The following ERC1 variants were observed in gnomAD, a reference collection of about 807,000 sequenced individuals.
The protein encoded by ERC1 is RAB6 interacting protein 2.
Under a neutral mutation model 132.0 loss-of-function variants are expected in ERC1, and 56 were observed. The ratio of observed to expected loss-of-function variants is 0.42; its 90% CI spans 0.34 to 0.53. The LOEUF (loss-of-function observed/expected upper bound fraction) is 0.53, where lower values mean the gene tolerates loss of function less well. Among genes scored for constraint, ERC1 ranks in the 20% least tolerant of loss-of-function variants. ERC1 has a pLI of 0.03. For synonymous variants in ERC1, 478 were observed against 476.1 expected, an observed-to-expected ratio of 1.00 and a Z score of -0.05; for missense variants, 1,202 against 1,349.9, an observed-to-expected ratio of 0.89 and a Z score of 1.72.
intron 2 of ERC1, among the ~76,000 whole-genome samples, chr12:1,048,278 A>G (rs1233447118): frequency 6.6e-6 from 1 of 152,222 alleles, no homozygotes; most frequent in Non-Finnish European, 1.5e-5. Flanking sequence ...CTTGACACTC[A>G]TAATTTTGAA....
At chr12:1,209,857 TTGA>T (rs1957701561) in intron 12 of ERC1, among the ~76,000 whole-genome samples, 1 of 152,240 alleles carries the variant, frequency 6.6e-6, no homozygotes, top group South Asian at 2.1e-4. Context: ...AATATCTCTG[TTGA>T]TTTATTTATA....
rs544281829 is a variant in ERC1 at position 1,184,005 on chromosome 12, G to A, written c.2157+584G>A. Among the ~76,000 whole-genome samples, 19 of 152,000 alleles carry A rather than the reference G, an allele frequency of 1.3e-4. No individual in the cohort carries two copies. In the South Asian group the frequency reaches 3.7e-3, roughly 30 times the overall value. On this transcript the variant is annotated intron_variant, in intron 11 of 18. Transcript: ENST00000360905. ...AAAAAAATTAGCCAGGCTTGGTGGC[G>A]CAGGCCTGTAATCCTAGCTACTCAG...
chr12:1,395,408 T>TC (rs1219943229), intron 16 of ERC1, among the ~76,000 whole-genome samples: 3 of 38,808 alleles, frequency 7.7e-5, no homozygotes, highest in African/African-American at 3.9e-4. Context: ...AATTTTGTAG[T>TC]TTTTTTTTTT....
intron 15 of ERC1, among the ~76,000 whole-genome samples, chr12:1,366,735 C>T (rs1292929831): frequency 2.6e-5 from 4 of 152,104 alleles, no homozygotes; most frequent in Non-Finnish European, 5.9e-5. Flanking sequence ...GTGGGAGTGA[C>T]GTGCACAGAC....
intron 14 of ERC1, among the ~76,000 whole-genome samples, chr12:1,268,741 G>C (rs1035050019): frequency 2.6e-5 from 4 of 152,150 alleles, no homozygotes; most frequent in Non-Finnish European, 5.9e-5. Context: ...ACTCCAGCCT[G>C]GGCGACAGAG....
Position 1,400,916 on chromosome 12 carries a change from A to ATTATTATTAT in ERC1, c.2926-7231_2926-7230insATTATTATTT, listed in dbSNP as rs2090981093. Among the ~76,000 whole-genome samples the ATTATTATTAT allele has an allele frequency of 1.2e-3, 18 of 15,054 alleles. 2 individuals carry two copies. Among genetic ancestry groups the ATTATTATTAT allele is most frequent in the African/African-American group, 5.6e-3 (18 of 3,240 alleles). The allele number at this position is 15,054 out of a possible 152,430, so 9.9% of individuals were successfully genotyped here. A position where few individuals can be genotyped will look rare whatever the true frequency, so the allele number is the denominator to read the frequency against. On this transcript the variant is annotated intron_variant, in intron 16 of 18. Transcript: ENST00000360905. ...TCAATATTGTTTTGGCTATTTTTGTATTTTTTTTTTTTTTTTTTTTTTTTT... is the reference window on the plus strand; with the variant it reads ...TCAATATTGTTTTGGCTATTTTTGTATTATTATTATTTTTTTTTTTTTTTTTTTTTTTTTT...
At chr12:1,229,826 C>A (rs908707789) in intron 12 of ERC1, among the ~76,000 whole-genome samples, 2 of 151,884 alleles carry the variant, frequency 1.3e-5, no homozygotes, top group African/African-American at 4.8e-5. Flanking sequence ...CTTTAGCTAA[C>A]TTTGGGCTTA....
Position 1,110,162 on chromosome 12 carries a change from T to A in ERC1, c.1162-30T>A, listed in dbSNP as rs558885158. 9.6e-6 allele frequency: 15 copies of A among 1,558,310 alleles called. No individual in the cohort carries two copies. The Admixed American group carries it at 3.0e-4, about 31-fold the overall frequency. On this transcript the variant is annotated intron_variant, in intron 4 of 18. Transcript: ENST00000360905. ...AGCTTTTCTGGGTTTTTGTGAATACTTCAATCACTAAATCTTCCATTGTCT... is the reference window on the plus strand; with the variant it reads ...AGCTTTTCTGGGTTTTTGTGAATACATCAATCACTAAATCTTCCATTGTCT...
chr12:995,363 T>A (rs1960620101), intron 1 of ERC1, among the ~76,000 whole-genome samples: 2 of 151,148 alleles, frequency 1.3e-5, no homozygotes, highest in Admixed American at 6.6e-5. Flanking sequence ...GGAGGAGGGG[T>A]TGGATTTTGT....
chr12:1,486,428 T>C (rs538876975), intron 18 of ERC1, among the ~76,000 whole-genome samples: 1 of 152,108 alleles, frequency 6.6e-6, no homozygotes, highest in South Asian at 2.1e-4. Context: ...TTTATTTTAT[T>C]TTATTTTATT....
intron 7 of ERC1, among the ~76,000 whole-genome samples, chr12:1,137,414 C>G (rs1360562345): frequency 2.0e-5 from 3 of 151,750 alleles, no homozygotes; most frequent in African/African-American, 7.3e-5. Flanking sequence ...TTCTACTTAC[C>G]AGTTCTTTAA....
At chr12:1,259,388 A>G (rs553663162) in intron 13 of ERC1, among the ~76,000 whole-genome samples, 5 of 152,100 alleles carry the variant, frequency 3.3e-5, no homozygotes, top group East Asian at 1.9e-4. Flanking sequence ...TGTCCTTCCA[A>G]TATAATTATA....
intron 13 of ERC1, among the ~76,000 whole-genome samples, chr12:1,254,318 G>A (rs894493970): frequency 6.6e-6 from 1 of 152,108 alleles, no homozygotes; most frequent in Non-Finnish European, 1.5e-5. Context: ...AGTTAGGGCA[G>A]GTGCATGGAA....
chr12:1,349,554 C>T (rs2084802791), intron 15 of ERC1, among the ~76,000 whole-genome samples: 1 of 151,556 alleles, frequency 6.6e-6, no homozygotes, highest in Non-Finnish European at 1.5e-5. Flanking sequence ...GTCCCAGCTA[C>T]TCGGGAGGCT....
chr12:1,048,120 A>T (rs1225062839), intron 2 of ERC1, among the ~76,000 whole-genome samples: 1 of 152,178 alleles, frequency 6.6e-6, no homozygotes, highest in African/African-American at 2.4e-5. Context: ...GACTTTCTCA[A>T]AGTGTTGACT....
At position 1,320,395 on chromosome 12, in the gene ERC1, G is replaced by A. The variant is rs1594974671; in HGVS notation, c.2780+30383G>A. Among the ~76,000 whole-genome samples the A allele has an allele frequency of 7.9e-5, 12 of 152,078 alleles. No individual in the cohort carries two copies. In the South Asian group the frequency reaches 2.3e-3, roughly 29 times the overall value. On this transcript the variant is annotated intron_variant, in intron 15 of 18. Coordinates refer to ENST00000360905, the MANE Select transcript of ERC1 (RefSeq NM_178040.4). ...GATACTATCCATCTTTTACATTTTT[G>A]CTGACTTTTATATTTGAGATATCTT...
At chr12:1,367,226 G>C (rs2086745735) in intron 15 of ERC1, among the ~76,000 whole-genome samples, 1 of 152,142 alleles carries the variant, frequency 6.6e-6, no homozygotes, top group African/African-American at 2.4e-5. Flanking sequence ...AGTTAATCTA[G>C]ATTTCAGATT....
chr12:1,367,434 A>C (rs2086766645), intron 15 of ERC1, among the ~76,000 whole-genome samples: 1 of 152,214 alleles, frequency 6.6e-6, no homozygotes, highest in South Asian at 2.1e-4. Context: ...AACCTTGGTA[A>C]CAGCCCTTCA....
intron 15 of ERC1, among the ~76,000 whole-genome samples, chr12:1,335,579 T>C (rs746233777): frequency 5.9e-5 from 9 of 152,194 alleles, no homozygotes; most frequent in Non-Finnish European, 1.3e-4. Flanking sequence ...CAAAGCCTAC[T>C]TGATCTTGGT....
Sources: gnomAD v4.1 joint callset for allele counts (sites outside exome capture counted in the v4.1 genomes callset) on GRCh38, gnomAD v4.1.1 for gene constraint, MANE v1.5 for transcripts, NCBI Gene and HGNC (gene_info 2026-07-23, HGNC 2026-07-21) for gene names.